GABRB3: variants seen among roughly 807,000 people sequenced by gnomAD.
The protein encoded by GABRB3 is gamma-aminobutyric acid receptor subunit beta-3.
In GABRB3, 14 loss-of-function variants were observed where a neutral mutation model predicts 52.1. That is an observed-to-expected ratio of 0.27 (90% CI 0.18 to 0.42). The LOEUF is 0.42. Among genes scored for constraint, GABRB3 ranks in the 10% least tolerant of loss-of-function variants. The pLI, the probability that GABRB3 is intolerant of heterozygous loss-of-function variation, is 1.00. For synonymous variants in GABRB3, 260 were observed against 232.3 expected (o/e 1.12, Z -1.08); for missense variants, 307 against 609.1 (o/e 0.50, Z 5.22).
At chr15:26,701,478 A>C (rs1312207078) in intron 3 of GABRB3, among the ~76,000 whole-genome samples, 2 of 152,186 alleles carry the variant, frequency 1.3e-5, no homozygotes, top group Non-Finnish European at 2.9e-5. Context: ...CATTAAAAAT[A>C]CTCCTTATAT....
chr15:26,627,738 G>A (rs763937482), intron 3 of GABRB3, among the ~76,000 whole-genome samples: 47 of 152,164 alleles, frequency 3.1e-4, no homozygotes, highest in Non-Finnish European at 5.6e-4. Flanking sequence ...TTCTTGAGAT[G>A]GAATCTACTC....
intron 4 of GABRB3, among the ~76,000 whole-genome samples, chr15:26,585,495 T>TA (rs1890948038): frequency 6.9e-6 from 1 of 143,904 alleles, no homozygotes; most frequent in South Asian, 2.1e-4. Flanking sequence ...ACTCAGGTGA[T>TA]AAAGTATGTC....
intron 3 of GABRB3, among the ~76,000 whole-genome samples, chr15:26,696,929 C>T (rs528598872): frequency 6.6e-6 from 1 of 152,124 alleles, no homozygotes; most frequent in Non-Finnish European, 1.5e-5. Flanking sequence ...CGACAATGGC[C>T]AACATGCAGT....
chr15:26,722,567 G>A (rs1889669631), intron 3 of GABRB3, among the ~76,000 whole-genome samples: 1 of 152,158 alleles, frequency 6.6e-6, no homozygotes, highest in African/African-American at 2.4e-5. Context: ...TGAACTTTAC[G>A]TTAATATTCA....
At chr15:26,752,802 C>A (rs1890552955) in intron 3 of GABRB3, among the ~76,000 whole-genome samples, 1 of 152,090 alleles carries the variant, frequency 6.6e-6, no homozygotes, top group Non-Finnish European at 1.5e-5. Context: ...GCACGCTGTA[C>A]AGTAGCTCTC....
At chr15:26,628,672 G>T (rs566502925) in intron 3 of GABRB3, among the ~76,000 whole-genome samples, 2 of 135,540 alleles carry the variant, frequency 1.5e-5, no homozygotes, top group African/African-American at 2.9e-5. Context: ...AGCTATTTTC[G>T]CAAAAAAAAC....
At chr15:26,554,399 T>C (rs1469481110) in intron 8 of GABRB3, among the ~76,000 whole-genome samples, 1 of 151,172 alleles carries the variant, frequency 6.6e-6, no homozygotes, top group Non-Finnish European at 1.5e-5. Flanking sequence ...CAAAATCTAG[T>C]AGACCAGAAT....
chr15:26,615,546 G>T (rs747859166), intron 4 of GABRB3: 18 of 696,886 alleles, frequency 2.6e-5, no homozygotes, highest in Non-Finnish European at 3.2e-5. Flanking sequence ...TCACTCTCAA[G>T]CATCTGCGTG....
At position 26,772,459 on chromosome 15, in the gene GABRB3, G is replaced by C. The variant is rs778097525; in HGVS notation, c.183C>G (p.Val61=). The stretch of plus-strand genomic sequence containing the variant: ...CGATGTCGATGTTCATCCCCACGCA[G>C]ACCGGGGGACCTGCGGGAAGCACAG... ...RLRPDFGGPP[V]CVGMNIDIAS... The change falls in exon 3 of 9, where the codon GTC becomes GTG. Residue 61 remains valine (V), a synonymous_variant. Coordinates refer to ENST00000311550, the MANE Select transcript of GABRB3 (RefSeq NM_000814.6). 15 of 1,610,562 alleles carry C rather than the reference G, an allele frequency of 9.3e-6. No homozygotes were observed. The highest frequency in any genetic ancestry group is 3.3e-5 in the Admixed American group (2 of 59,824).
intron 2 of GABRB3, 101 bp from the exon 3 acceptor site, chr15:26,772,570 C>T (rs1177038776): frequency 2.1e-6 from 3 of 1,435,586 alleles, no homozygotes; most frequent in East Asian, 2.7e-5. Context: ...GGGCGAAGGG[C>T]CCCCACTCCC....
chr15:26,693,342 T>G (rs1392310135), intron 3 of GABRB3, among the ~76,000 whole-genome samples: 1 of 152,076 alleles, frequency 6.6e-6, no homozygotes, highest in Non-Finnish European at 1.5e-5. Context: ...TCTCTAAACG[T>G]TTCCAGAAAA....
intron 3 of GABRB3, among the ~76,000 whole-genome samples, chr15:26,709,769 G>T (rs1024328398): frequency 1.3e-5 from 2 of 151,838 alleles, no homozygotes; most frequent in Non-Finnish European, 2.9e-5. Flanking sequence ...CACCCACCTT[G>T]GCCTCCCAAA....
chr15:26,621,472 C>G lies in GABRB3; in HGVS notation c.303G>C (p.Gly101=). 1 of 1,614,100 alleles carries G rather than the reference C, an allele frequency of 6.2e-7. No homozygotes were observed. The highest frequency in any genetic ancestry group is 8.5e-7 in the Non-Finnish European group (1 of 1,179,998). ...TGTCAAGCGTGAGGTTGAGAGGGAT[C>G]CCAGAATAGGCGAGCCTTTTATCTC... ...YWRDKRLAYS[G]IPLNLTLDNR... The change falls in exon 4 of 9, where the codon GGG becomes GGC. Residue 101 remains glycine, a synonymous_variant. Transcript: ENST00000311550. This position sits in a 1 kb window ranked among gnomAD's most constrained non-coding sequence, Gnocchi z 4.1.
At chr15:26,739,044 G>A (rs973094450) in intron 3 of GABRB3, among the ~76,000 whole-genome samples, 18 of 152,070 alleles carry the variant, frequency 1.2e-4, no homozygotes, top group Non-Finnish European at 2.5e-4. Flanking sequence ...GCAAAGATAG[G>A]AGCTCAAATA....
At chr15:26,596,062 T>C (rs1891385364) in intron 4 of GABRB3, among the ~76,000 whole-genome samples, 1 of 152,086 alleles carries the variant, frequency 6.6e-6, no homozygotes. Context: ...GGTAGGCATG[T>C]ACAGACGTGC....
At chr15:26,625,753 G>A (rs1412898144) in intron 3 of GABRB3, among the ~76,000 whole-genome samples, 2 of 152,156 alleles carry the variant, frequency 1.3e-5, no homozygotes, top group East Asian at 1.9e-4. Context: ...GCCACTCTGC[G>A]GCAGGGTGGA....
intron 3 of GABRB3, among the ~76,000 whole-genome samples, chr15:26,771,271 A>T (rs755497559): frequency 2.6e-5 from 4 of 152,152 alleles, no homozygotes; most frequent in East Asian, 1.9e-4. Flanking sequence ...ATATTTGAAG[A>T]AGTAGTTTTA....
At chr15:26,685,280 C>G (rs998442910) in intron 3 of GABRB3, among the ~76,000 whole-genome samples, 2 of 152,162 alleles carry the variant, frequency 1.3e-5, no homozygotes, top group Non-Finnish European at 2.9e-5. Flanking sequence ...ACAGGGGAGC[C>G]AACTAAGGCA....
chr15:26,562,363 C>T (rs760498655), intron 7 of GABRB3, among the ~76,000 whole-genome samples: 3 of 152,140 alleles, frequency 2.0e-5, no homozygotes, highest in Non-Finnish European at 4.4e-5. Flanking sequence ...GGTTTCAGGA[C>T]CCAATAAAGA....
Sources: allele counts gnomAD v4.1 joint callset (sites outside exome capture counted in the v4.1 genomes callset), GRCh38; gene constraint gnomAD v4.1.1; non-coding constraint Gnocchi (gnomAD v3.1); transcripts MANE v1.5; gene names NCBI Gene and HGNC (gene_info 2026-07-23, HGNC 2026-07-21).